The following KRI1 variants were observed in gnomAD, a reference collection of about 807,000 sequenced individuals.
KRI1 encodes the protein KRI1 homolog, also known as protein KRI1 homolog.
In KRI1, 83 loss-of-function variants were observed where a neutral mutation model predicts 97.0. The ratio of observed to expected loss-of-function variants is 0.86; its 90% CI spans 0.72 to 1.03. KRI1 has a LOEUF of 1.03. Among genes scored for constraint, KRI1 ranks in the 50% least tolerant of loss-of-function variants. The probability of loss-of-function intolerance (pLI) is 0.00; values close to 1 mark genes in which losing one functional copy is unlikely to be tolerated. For synonymous variants in KRI1, 371 were observed against 363.5 expected, an observed-to-expected ratio of 1.02 and a Z score of -0.23; for missense variants, 916 against 928.4, an observed-to-expected ratio of 0.99 and a Z score of 0.17.
In KRI1 at chr19:10,553,267, T is replaced by C. The variant is rs552533737; in HGVS notation, c.*684A>G. 14 of 665,144 alleles carry C rather than the reference T, an allele frequency of 2.1e-5. No individual in the cohort carries two copies. In the African/African-American group the frequency reaches 2.5e-4, roughly 12 times the overall value. 41.2% of individuals were successfully genotyped at this position (665,144 alleles called of 1,614,324 possible). A position where few individuals can be genotyped will look rare whatever the true frequency, so the allele number is the denominator to read the frequency against. On this transcript the variant is annotated 3_prime_UTR_variant, in exon 19 of 19. Transcript: ENST00000312962. ...CACCTGTCTCCCACCAGCGGGGCCC[T>C]CCTGGCAGGGTAGGGAAGGAGGACC...
intron 16 of KRI1, among the ~76,000 whole-genome samples, chr19:10,555,622 A>G (rs889020828): frequency 6.6e-6 from 1 of 152,104 alleles, no homozygotes; most frequent in Non-Finnish European, 1.5e-5. Flanking sequence ...AGGGCCCTTG[A>G]GCTGTCACCC....
chr19:10,564,771 T>C (rs1916809329), intron 3 of KRI1, among the ~76,000 whole-genome samples, 158 bp downstream of exon 3: 1 of 152,146 alleles, frequency 6.6e-6, no homozygotes, highest in African/African-American at 2.4e-5. Flanking sequence ...AATCTATCCT[T>C]AAAACAGCCC....
At chr19:10,559,285 G>A (rs1327510543) in intron 12 of KRI1, 74 bp downstream of exon 12, 42 of 1,527,484 alleles carry the variant, frequency 2.7e-5, no homozygotes, top group Non-Finnish European at 2.8e-5. Flanking sequence ...GATTACAGGC[G>A]TGAGCCACCG....
Position 10,561,660 on chromosome 19 carries a change from G to C in KRI1, c.488+7C>G. Reference sequence around the variant, plus strand: ...CCATTGGGCCATTCCCGCCCACCCAGCCTCACCTTTCCTTGAGCTGTTTCT... The same window carrying C: ...CCATTGGGCCATTCCCGCCCACCCACCCTCACCTTTCCTTGAGCTGTTTCT... On this transcript the variant is annotated splice_region_variant and intron_variant, in intron 6 of 18. Transcript: ENST00000312962. The C allele has an allele frequency of 6.2e-7, 1 of 1,613,648 alleles. No homozygotes were observed. The highest frequency in any genetic ancestry group is 8.5e-7 in the Non-Finnish European group (1 of 1,179,756).
chr19:10,560,937 G>A, intron 8 of KRI1, 66 bp downstream of exon 8: 1 of 1,244,138 alleles, frequency 8.0e-7, no homozygotes, highest in Non-Finnish European at 1.2e-6. Context: ...GTTACTTTCT[G>A]TAAATAGGTT....
intron 18 of KRI1, 84 bp from the exon 19 acceptor site, chr19:10,554,365 G>GGAAA: frequency 8.3e-7 from 1 of 1,201,790 alleles, no homozygotes; most frequent in Non-Finnish European, 1.2e-6. Context: ...TTACAGACAG[G>GGAAA]GAAAGGAGGG....
Position 10,557,905 on chromosome 19 carries a change from C to A in KRI1, c.1360-10G>T. The A allele has an allele frequency of 6.2e-7, 1 of 1,613,638 alleles. No homozygotes were observed. Among genetic ancestry groups the A allele is most frequent in the Non-Finnish European group, 8.5e-7 (1 of 1,179,896 alleles). On this transcript the variant is annotated splice_polypyrimidine_tract_variant and intron_variant, in intron 14 of 18. Coordinates refer to ENST00000312962, the MANE Select transcript of KRI1 (RefSeq NM_023008.5). ...CGTAGTCGGCGTCCATCTGCCAGGA[C>A]GCACAGGTCAGATCCCACCAGCCCC...
rs144204938 is a variant in KRI1 at position 10,555,268 on chromosome 19, G to A, written c.1682+17C>T. 72 of 847,432 alleles carry A rather than the reference G, an allele frequency of 8.5e-5. 1 individual carries two copies. The highest frequency in any genetic ancestry group is 2.8e-4 in the South Asian group (14 of 49,782). 52.5% of individuals were successfully genotyped at this position (847,432 alleles called of 1,614,324 possible). Reference sequence around the variant, plus strand: ...TGCCCCCTGCGCATGTGGCCCCGCCGCGCCCCGCCCCATCACCTGTACATG... The same window carrying A: ...TGCCCCCTGCGCATGTGGCCCCGCCACGCCCCGCCCCATCACCTGTACATG... On this transcript the variant is annotated intron_variant, in intron 17 of 18. Coordinates refer to ENST00000312962, the MANE Select transcript of KRI1 (RefSeq NM_023008.5).
Position 10,553,787 on chromosome 19 carries a change from G to T in KRI1, c.*164C>A. On this transcript the variant is annotated 3_prime_UTR_variant, in exon 19 of 19. Transcript: ENST00000312962. ...GCCCACGCTGGTCTCCAATTCCTGGGCTCAAGTGATCCTTTCACCTCGGCC... is the reference window on the plus strand; with the variant it reads ...GCCCACGCTGGTCTCCAATTCCTGGTCTCAAGTGATCCTTTCACCTCGGCC... The T allele has an allele frequency of 1.6e-6, 1 of 629,192 alleles. No individual in the cohort carries two copies. Among genetic ancestry groups the T allele is most frequent in the Non-Finnish European group, 2.6e-6 (1 of 379,728 alleles). The allele number at this position is 629,192 out of a possible 1,614,324, so 39.0% of individuals were successfully genotyped here.
chr19:10,555,430 C>G, intron 16 of KRI1, 81 bp from the exon 17 acceptor site: 2 of 1,476,866 alleles, frequency 1.4e-6, no homozygotes, highest in Non-Finnish European at 1.9e-6. Context: ...TGTCATTAGT[C>G]AAAACGGTAA....
intron 12 of KRI1, among the ~76,000 whole-genome samples, chr19:10,558,598 A>C (rs1916594380): frequency 1.3e-5 from 2 of 151,714 alleles, no homozygotes; most frequent in Admixed American, 1.3e-4. Flanking sequence ...GCAGGAGTGC[A>C]ATGGCACTAT....
chr19:10,560,517 A>C, intron 8 of KRI1, 69 bp from the exon 9 acceptor site: 1 of 1,174,490 alleles, frequency 8.5e-7, no homozygotes, highest in Non-Finnish European at 1.2e-6. Context: ...TGCTCACCAC[A>C]TGGACCTCAC....
chr19:10,561,082 TG>T lies in KRI1; in HGVS notation c.586-3del, dbSNP rs2144726924. 1 of 1,614,036 alleles carries T rather than the reference TG, an allele frequency of 6.2e-7. No homozygotes were observed. Among genetic ancestry groups the T allele is most frequent in the Non-Finnish European group, 8.5e-7 (1 of 1,179,924 alleles). ...GATGTAGTCGGCCTCCTCCTGGGCC[TG>T]GGGGAAAGCTAGCACTGAGCATCCG... On this transcript the variant is annotated splice_region_variant and splice_polypyrimidine_tract_variant and intron_variant, in intron 7 of 18. Coordinates refer to ENST00000312962, the MANE Select transcript of KRI1 (RefSeq NM_023008.5).
intron 3 of KRI1, 69 bp from the exon 4 acceptor site, chr19:10,562,906 A>G: frequency 2.1e-6 from 2 of 951,804 alleles, no homozygotes; most frequent in East Asian, 2.4e-5. Flanking sequence ...AGAATCCCAC[A>G]GGGCAGGGCC....
At chr19:10,558,307 C>T (rs907621768) in intron 12 of KRI1, 68 bp from the exon 13 acceptor site, 25 of 1,434,096 alleles carry the variant, frequency 1.7e-5, no homozygotes, top group Admixed American at 5.1e-5. Context: ...CCTACGATGC[C>T]GCCAATGACC....
chr19:10,561,815 CCCGT>C lies in KRI1; in HGVS notation c.410_413del (p.Asp137GlyfsTer69), dbSNP rs761040894. The C allele has an allele frequency of 1.9e-6, 3 of 1,613,862 alleles. No individual in the cohort carries two copies. Among genetic ancestry groups the C allele is most frequent in the Non-Finnish European group, 2.5e-6 (3 of 1,179,942 alleles). On this transcript the variant is annotated frameshift_variant, in exon 5 of 19. Transcript: ENST00000312962. LOFTEE classifies it high-confidence loss of function. ...CCTGGAGTCTGTGATTGGAAGTCTC[CCCGT>C]CTGAGTTCTCCTCATCAACATATTT...
intron 5 of KRI1, 24 bp downstream of exon 5, chr19:10,561,767 C>T (rs762438861): frequency 3.2e-5 from 52 of 1,613,998 alleles, no homozygotes; most frequent in Non-Finnish European, 4.2e-5. Context: ...CTCAGCCCCC[C>T]GACCCAGCCT....
At position 10,556,708 on chromosome 19, in the gene KRI1, T is replaced by C. The variant is rs1042054943; in HGVS notation, c.1617+844A>G. 5.9e-5 allele frequency among the ~76,000 whole-genome samples: 9 copies of C among 151,744 alleles called. No individual in the cohort carries two copies. In the East Asian group the frequency reaches 1.2e-3, roughly 20 times the overall value. Reference sequence around the variant, plus strand: ...AATAAACAAAAATAAAAAGTAATATTGGCTGGGTGTGGTGGCTCACACGCA... The same window carrying C: ...AATAAACAAAAATAAAAAGTAATATCGGCTGGGTGTGGTGGCTCACACGCA... On this transcript the variant is annotated intron_variant, in intron 16 of 18. Coordinates refer to ENST00000312962, the MANE Select transcript of KRI1 (RefSeq NM_023008.5).
chr19:10,561,297 G>A, intron 6 of KRI1, 32 bp from the exon 7 acceptor site: 1 of 1,592,320 alleles, frequency 6.3e-7, no homozygotes, highest in Non-Finnish European at 8.6e-7. Context: ...CCTCAGGACA[G>A]GCAGGCTGGC....
Sources: allele counts gnomAD v4.1 joint callset (sites outside exome capture counted in the v4.1 genomes callset), GRCh38; gene constraint gnomAD v4.1.1; transcripts MANE v1.5; gene names NCBI Gene and HGNC (gene_info 2026-07-23, HGNC 2026-07-21).